EPB41L1: variants seen among roughly 807,000 people sequenced by gnomAD.
EPB41L1 encodes the protein erythrocyte membrane protein band 4.1 like 1, also known as band 4.1-like protein 1.
A neutral mutation model predicts 97.8 loss-of-function variants in EPB41L1; 29 were observed. The ratio of observed to expected loss-of-function variants is 0.30; its 90% CI spans 0.22 to 0.40. The LOEUF (loss-of-function observed/expected upper bound fraction) is 0.40, where lower values mean the gene tolerates loss of function less well. EPB41L1 is among the 10% of genes least tolerant of loss of function. The pLI is 1.00. For missense variants in EPB41L1, 812 were observed against 1,162.3 expected, an observed-to-expected ratio of 0.70 and a Z score of 4.38; for synonymous variants, 383 against 459.2, an observed-to-expected ratio of 0.83 and a Z score of 2.12.
At chr20:36,147,387 TGTCA>T (rs1210610168) in intron 2 of EPB41L1, among the ~76,000 whole-genome samples, 2 of 152,196 alleles carry the variant, frequency 1.3e-5, no homozygotes, top group East Asian at 1.9e-4. Flanking sequence ...GAACAGAATA[TGTCA>T]GTATCTCCAG....
In EPB41L1 at chr20:36,206,817, C is replaced by T. The variant is rs898339565; in HGVS notation, c.1669-2671C>T. 8 of 1,289,742 alleles carry T rather than the reference C, an allele frequency of 6.2e-6. No individual in the cohort carries two copies. In the Admixed American group the frequency reaches 1.4e-4, roughly 22 times the overall value. 79.9% of individuals were successfully genotyped at this position (1,289,742 alleles called of 1,614,324 possible). A position where few individuals can be genotyped will look rare whatever the true frequency, so the allele number is the denominator to read the frequency against. On this transcript the variant is annotated intron_variant, in intron 14 of 21. Transcript: ENST00000338074. This position sits in a 1 kb window ranked among gnomAD's most constrained non-coding sequence, Gnocchi z 5.5. ...GCGCAGCCCGAGAGGAAGGGACCCC[C>T]GTGAGTGGAGATTTGCTGGGAAAGG...
At chr20:36,099,947 T>C (rs1601202750) in intron 1 of EPB41L1, among the ~76,000 whole-genome samples, 1 of 151,930 alleles carries the variant, frequency 6.6e-6, no homozygotes, top group Non-Finnish European at 1.5e-5. Flanking sequence ...AAGAAAGGGG[T>C]CCCTGGGCTC....
chr20:36,169,836 CA>C (rs1453901852), intron 1 of EPB41L1, among the ~76,000 whole-genome samples: 4 of 152,234 alleles, frequency 2.6e-5, no homozygotes, highest in African/African-American at 9.6e-5. Flanking sequence ...CTGAAACATA[CA>C]TGGCAAATCT....
chr20:36,207,474 CGGAGCTGAAACTCGCCGAATGAGT>C lies in EPB41L1; in HGVS notation c.1669-2012_1669-1989del, dbSNP rs1185331350. 1 of 1,289,724 alleles carries C rather than the reference CGGAGCTGAAACTCGCCGAATGAGT, an allele frequency of 7.8e-7. No individual in the cohort carries two copies. Among genetic ancestry groups the C allele is most frequent in the Non-Finnish European group, 1.0e-6 (1 of 988,884 alleles). The allele number at this position is 1,289,724 out of a possible 1,614,324, so 79.9% of individuals were successfully genotyped here. On this transcript the variant is annotated intron_variant, in intron 14 of 21. Coordinates refer to ENST00000338074, the MANE Select transcript of EPB41L1 (RefSeq NM_012156.2). This position sits in a 1 kb window ranked among gnomAD's most constrained non-coding sequence, Gnocchi z 4.9. Reference sequence around the variant, plus strand: ...ACAAAATTCGGATATTTGAGACCCACGGAGCTGAAACTCGCCGAATGAGTGAGGGTGAAGCAAGGTCCCTTCCAA... The same window carrying C: ...ACAAAATTCGGATATTTGAGACCCACGAGGGTGAAGCAAGGTCCCTTCCAA...
intron 14 of EPB41L1, among the ~76,000 whole-genome samples, chr20:36,203,532 G>A (rs889111492): frequency 2.0e-5 from 3 of 152,234 alleles, no homozygotes; most frequent in African/African-American, 7.2e-5. Context: ...GGGCAGGAAT[G>A]TTCCAGAAGG....
At chr20:36,155,566 G>T in intron 1 of EPB41L1, 1 of 456,222 alleles carries the variant, frequency 2.2e-6, no homozygotes, top group Non-Finnish European at 4.4e-6. Flanking sequence ...GGCATGGGGG[G>T]CCAATGTCTA....
intron 14 of EPB41L1, among the ~76,000 whole-genome samples, chr20:36,201,484 C>T (rs758584413): frequency 1.3e-5 from 2 of 152,208 alleles, no homozygotes; most frequent in Non-Finnish European, 2.9e-5. Flanking sequence ...TTTCTCTGTT[C>T]AGAAGCCTGA....
At position 36,209,253 on chromosome 20, in the gene EPB41L1, T is replaced by A. The variant is rs1396895856; in HGVS notation, c.1669-235T>A. ...GTTTGCTTTGTACTTGCTTTTGCCA[T>A]CAGTGTGAGACCCTCAGAAAGGGGC... On this transcript the variant is annotated intron_variant, in intron 14 of 21. Coordinates refer to ENST00000338074, the MANE Select transcript of EPB41L1 (RefSeq NM_012156.2). The surrounding 1 kb of genome is among the most constrained non-coding windows in gnomAD (Gnocchi z 4.2). Among the ~76,000 whole-genome samples the A allele has an allele frequency of 6.6e-6, 1 of 152,226 alleles. No homozygotes were observed. The highest frequency in any genetic ancestry group is 1.5e-5 in the Non-Finnish European group (1 of 68,034).
chr20:36,214,343 C>A lies in EPB41L1; in HGVS notation c.2185-14C>A, dbSNP rs1160059006. 1 of 1,612,548 alleles carries A rather than the reference C, an allele frequency of 6.2e-7. No individual in the cohort carries two copies. The highest frequency in any genetic ancestry group is 1.7e-5 in the Admixed American group (1 of 59,994). The stretch of plus-strand genomic sequence containing the variant: ...CCAGCTCTCCCCAGCTCTAACGACT[C>A]CTCCTCTGGTCAGCAGGTTGATGGG... On this transcript the variant is annotated splice_polypyrimidine_tract_variant and intron_variant, in intron 16 of 21. Transcript: ENST00000338074.
chr20:36,203,255 C>T (rs1008203644), intron 14 of EPB41L1, among the ~76,000 whole-genome samples: 30 of 152,210 alleles, frequency 2.0e-4, no homozygotes, highest in African/African-American at 7.0e-4. Flanking sequence ...ACTTTGTCCC[C>T]CGCTGCTCAG....
intron 7 of EPB41L1, among the ~76,000 whole-genome samples, chr20:36,186,866 G>A (rs1206921787): frequency 6.6e-6 from 1 of 152,196 alleles, no homozygotes; most frequent in Non-Finnish European, 1.5e-5. Context: ...AGGAAACTGA[G>A]GCCTGGAGGA....
At chr20:36,119,986 A>G (rs374513208) in intron 2 of EPB41L1, among the ~76,000 whole-genome samples, 4 of 152,046 alleles carry the variant, frequency 2.6e-5, no homozygotes, top group African/African-American at 9.7e-5. Context: ...TCTCTCCCAG[A>G]CCAAGCTAGT....
rs1245882739 is a variant in EPB41L1, at chr20:36,154,805, C to G, written c.-106C>G. 1.0e-6 allele frequency: 1 copy of G among 990,510 alleles called. No individual in the cohort carries two copies. Among genetic ancestry groups the G allele is most frequent in the Admixed American group, 6.1e-5 (1 of 16,348 alleles). The allele number at this position is 990,510 out of a possible 1,614,324, so 61.4% of individuals were successfully genotyped here. On this transcript the variant is annotated 5_prime_UTR_variant, in exon 1 of 22. Transcript: ENST00000338074. This position sits in a 1 kb window ranked among gnomAD's most constrained non-coding sequence, Gnocchi z 5.5. ...CTGCTCCGCAGAGCCCGCCGCGACC[C>G]CGCGCCGCCCCGCCCCGCGGCCTGC...
rs779274953 is a variant in EPB41L1 at position 36,197,980 on chromosome 20, G to T, written c.1607G>T (p.Arg536Leu). The change falls in exon 14 of 22, where the codon CGC becomes CTC. Residue 536 changes from arginine to leucine, a missense_variant. By Grantham distance (102) the Arg-to-Leu change is moderately radical. This residue lies in a region of EPB41L1 where 498 missense variants were observed against 622.7 expected (regional missense o/e 0.80). Transcript: ENST00000338074. ...CGGGATCGAGACTGGGAACGGGAGC[G>T]CAGGCTGCCCTCCTCCCCCGCCTCC... ...IHRDRDWERE[R>L]RLPSSPASPS... is the part of the protein sequence containing the mutation. 3.1e-6 allele frequency: 5 copies of T among 1,613,932 alleles called. No individual in the cohort carries two copies. The Admixed American group carries it at 5.0e-5, about 16-fold the overall frequency.
At chr20:36,217,071 G>A (rs993274364) in intron 17 of EPB41L1, among the ~76,000 whole-genome samples, 2 of 152,204 alleles carry the variant, frequency 1.3e-5, no homozygotes, top group Non-Finnish European at 2.9e-5. Flanking sequence ...TCCAGCTGAT[G>A]CCTCTGAAGT....
chr20:36,107,798 T>C (rs1370748738), intron 1 of EPB41L1, among the ~76,000 whole-genome samples: 11 of 151,228 alleles, frequency 7.3e-5, no homozygotes, highest in South Asian at 2.1e-4. Context: ...CACTGCACTC[T>C]AGCCTGGGCG....
At position 36,155,337 on chromosome 20, in the gene EPB41L1, C is replaced by A. The variant is rs912163060; in HGVS notation, c.-15+441C>A. On this transcript the variant is annotated intron_variant, in intron 1 of 21. Transcript: ENST00000338074. ...CTCCTCACTCTGGTTACGGACCCTT[C>A]CCCGCTCTGGGCTTGCCTCCCCTTC... The A allele has an allele frequency of 1.4e-5, 5 of 365,736 alleles. No individual in the cohort carries two copies. The Admixed American group carries it at 1.7e-4, about 13-fold the overall frequency. 22.7% of individuals were successfully genotyped at this position (365,736 alleles called of 1,614,324 possible).
intron 1 of EPB41L1, among the ~76,000 whole-genome samples, chr20:36,104,021 C>A (rs1029582572): frequency 2.6e-5 from 4 of 152,166 alleles, no homozygotes; most frequent in African/African-American, 9.7e-5. Context: ...ATTGTTTCAA[C>A]AAACATCTAC....
At chr20:36,149,254 T>C (rs1333005820) in intron 2 of EPB41L1, among the ~76,000 whole-genome samples, 1 of 152,108 alleles carries the variant, frequency 6.6e-6, no homozygotes, top group Non-Finnish European at 1.5e-5. Flanking sequence ...CCCCAGCCCC[T>C]TTGCCAGAGG....
Sources: gnomAD v4.1 joint callset for allele counts (sites outside exome capture counted in the v4.1 genomes callset) on GRCh38, gnomAD v4.1.1 for gene constraint, gnomAD v4.1.1 regional missense constraint, Gnocchi (gnomAD v3.1) non-coding constraint, MANE v1.5 for transcripts, NCBI Gene and HGNC (gene_info 2026-07-23, HGNC 2026-07-21) for gene names.